Variants in COL8A1 observed in about 807,000 individuals in gnomAD.
COL8A1 encodes the protein collagen alpha-1(VIII) chain.
Under a neutral mutation model 42.7 loss-of-function variants are expected in COL8A1, and 21 were observed. The ratio of observed to expected loss-of-function variants is 0.49; its 90% confidence interval spans 0.35 to 0.71. The LOEUF (loss-of-function observed/expected upper bound fraction) is 0.71. Ranked by LOEUF, COL8A1 falls within the 30% of genes least tolerant of loss-of-function variation. The pLI, the probability that COL8A1 is intolerant of heterozygous loss-of-function variation, is 0.01. For synonymous variants in COL8A1, 367 were observed against 369.1 expected (o/e 0.99, Z 0.06); for missense variants, 788 against 962.4 (o/e 0.82, Z 2.40).
chr3:99,666,334 A>C (rs1239712291), intron 1 of COL8A1, among the ~76,000 whole-genome samples: 1 of 152,118 alleles, frequency 6.6e-6, no homozygotes, highest in Non-Finnish European at 1.5e-5. Context: ...AAGGTCCTTG[A>C]GCTCCTTGAG....
intron 1 of COL8A1, among the ~76,000 whole-genome samples, chr3:99,654,801 A>G (rs1037421839): frequency 2.0e-5 from 3 of 152,022 alleles, no homozygotes. Context: ...AAAAAAAAGC[A>G]CAATGTGAGA....
chr3:99,793,059 T>A (rs1942030659), intron 3 of COL8A1, among the ~76,000 whole-genome samples: 1 of 152,140 alleles, frequency 6.6e-6, no homozygotes, highest in Non-Finnish European at 1.5e-5. Context: ...AAATGTGGAA[T>A]CTAAAACAAT....
chr3:99,738,633 C>T (rs901069037), intron 1 of COL8A1, among the ~76,000 whole-genome samples: 3 of 152,224 alleles, frequency 2.0e-5, no homozygotes, highest in Non-Finnish European at 4.4e-5. Flanking sequence ...TTAAAGCTGT[C>T]AGACAGGGAC....
chr3:99,678,659 A>T (rs1428954211), intron 1 of COL8A1: 2 of 152,094 alleles, frequency 1.3e-5, no homozygotes, highest in African/African-American at 4.8e-5. Flanking sequence ...CTATAAAAAA[A>T]AATCCATGAC....
chr3:99,727,131 C>T (rs1376595097), intron 1 of COL8A1, among the ~76,000 whole-genome samples: 2 of 152,136 alleles, frequency 1.3e-5, no homozygotes, highest in African/African-American at 4.8e-5. Flanking sequence ...TCCTTCACTT[C>T]CCTTGTCAGT....
At position 99,796,286 on chromosome 3, in the gene COL8A1, AT is replaced by A; in HGVS notation, c.*151del. The A allele has an allele frequency of 1.7e-6, 1 of 602,666 alleles. No individual in the cohort carries two copies. Among genetic ancestry groups the A allele is most frequent in the Non-Finnish European group, 2.7e-6 (1 of 369,510 alleles). 37.3% of individuals were successfully genotyped at this position (602,666 alleles called of 1,614,324 possible). On this transcript the variant is annotated 3_prime_UTR_variant, in exon 4 of 4. Transcript: ENST00000652472. ...TGAAAATTTGGACCATTGTGTACAA[AT>A]AAAAACTAAGATGCATGTTTAATAC...
At chr3:99,647,530 A>G (rs1937686170) in intron 1 of COL8A1, among the ~76,000 whole-genome samples, 2 of 151,960 alleles carry the variant, frequency 1.3e-5, no homozygotes, top group African/African-American at 4.8e-5. Context: ...TACCCAAAAA[A>G]TCTTTAGAAC....
At chr3:99,666,622 G>T (rs1938375110) in intron 1 of COL8A1, among the ~76,000 whole-genome samples, 1 of 152,212 alleles carries the variant, frequency 6.6e-6, no homozygotes, top group South Asian at 2.1e-4. Context: ...GAAAGTTAAG[G>T]TGGGGGAGAG....
intron 1 of COL8A1, among the ~76,000 whole-genome samples, chr3:99,654,137 C>T (rs1210241380): frequency 6.6e-6 from 1 of 152,186 alleles, no homozygotes; most frequent in Admixed American, 6.5e-5. Flanking sequence ...AAGCATCCAA[C>T]ACAGGAGAAA....
chr3:99,734,561 T>C (rs1424617051), intron 1 of COL8A1, among the ~76,000 whole-genome samples: 1 of 151,980 alleles, frequency 6.6e-6, no homozygotes, highest in Non-Finnish European at 1.5e-5. Flanking sequence ...AGCCTTGTAG[T>C]ATAGTTTGAA....
chr3:99,701,584 A>G (rs1180601422), intron 1 of COL8A1, among the ~76,000 whole-genome samples: 2 of 152,200 alleles, frequency 1.3e-5, no homozygotes, highest in Non-Finnish European at 2.9e-5. Flanking sequence ...TCATTGAGTG[A>G]GAGGTGTTAT....
rs372727265 is a variant in COL8A1, at chr3:99,759,106, C to CT, written c.-4+14099dup. 6.8e-3 allele frequency among the ~76,000 whole-genome samples: 951 copies of CT among 139,512 alleles called. 9 individuals are homozygous for CT. The highest frequency in any genetic ancestry group is 0.019 in the African/African-American group (723 of 37,576). 91.5% of individuals were successfully genotyped at this position (139,512 alleles called of 152,430 possible). A position where few individuals can be genotyped will look rare whatever the true frequency, so the allele number is the denominator to read the frequency against. On this transcript the variant is annotated intron_variant, in intron 2 of 3. Transcript: ENST00000652472. ...CCCAACCCATCACAAGAGCCTGTTC[C>CT]TTTTTTTTTTTTTTAAGCAGTTACC...
At chr3:99,774,134 C>T (rs1433749088) in intron 2 of COL8A1, among the ~76,000 whole-genome samples, 2 of 151,212 alleles carry the variant, frequency 1.3e-5, no homozygotes, top group African/African-American at 2.4e-5. Flanking sequence ...CTTGAGCCAC[C>T]ACGCCCAACC....
chr3:99,723,930 A>G (rs527959231), intron 1 of COL8A1, among the ~76,000 whole-genome samples: 4 of 152,224 alleles, frequency 2.6e-5, no homozygotes, highest in South Asian at 2.1e-4. Context: ...AGTTCATACC[A>G]AAATTCACTA....
intron 1 of COL8A1, among the ~76,000 whole-genome samples, chr3:99,730,926 G>A (rs373614683): frequency 6.6e-6 from 1 of 151,964 alleles, no homozygotes; most frequent in Non-Finnish European, 1.5e-5. Flanking sequence ...TACAATTTCT[G>A]TTCTTTTTTA....
At chr3:99,780,088 T>C (rs1480532250) in intron 2 of COL8A1, among the ~76,000 whole-genome samples, 1 of 152,204 alleles carries the variant, frequency 6.6e-6, no homozygotes, top group Non-Finnish European at 1.5e-5. Flanking sequence ...CCACCACCCC[T>C]GTTTTCTTTT....
chr3:99,783,274 G>T (rs757106134), intron 2 of COL8A1, among the ~76,000 whole-genome samples: 1 of 152,186 alleles, frequency 6.6e-6, no homozygotes, highest in African/African-American at 2.4e-5. Context: ...CATTTCTAGC[G>T]CTGGGGGCAC....
intron 2 of COL8A1, among the ~76,000 whole-genome samples, chr3:99,772,935 T>A (rs1291619135): frequency 2.0e-5 from 3 of 152,218 alleles, no homozygotes; most frequent in Non-Finnish European, 4.4e-5. Context: ...TCCTAACGAA[T>A]GAGGCCTTTG....
At chr3:99,674,512 A>G (rs535509717) in intron 1 of COL8A1, among the ~76,000 whole-genome samples, 7 of 151,774 alleles carry the variant, frequency 4.6e-5, no homozygotes, top group South Asian at 2.1e-4. Context: ...TGGCTCACAC[A>G]TGAAAAGTCT....
Sources: gnomAD v4.1 joint callset for allele counts (sites outside exome capture counted in the v4.1 genomes callset) on GRCh38, gnomAD v4.1.1 for gene constraint, MANE v1.5 for transcripts, NCBI Gene and HGNC (gene_info 2026-07-23, HGNC 2026-07-21) for gene names.